Variants in SPAG16 observed in about 807,000 individuals in gnomAD.
The protein encoded by SPAG16 is sperm associated antigen 16, also known as sperm-associated antigen 16 protein.
Under a neutral mutation model 80.4 loss-of-function variants are expected in SPAG16, and 86 were observed. The ratio of observed to expected loss-of-function variants is 1.07; its 90% CI spans 0.90 to 1.28. The LOEUF (loss-of-function observed/expected upper bound fraction) is 1.28. Ranked by LOEUF, SPAG16 falls within the 50% of genes most tolerant of loss-of-function variation. SPAG16 has a pLI of 0.00. For synonymous variants in SPAG16, 294 were observed against 265.9 expected (o/e 1.11, Z -1.03); for missense variants, 870 against 765.3 (o/e 1.14, Z -1.61).
At chr2:214,011,914 C>T (rs2047298759) in intron 12 of SPAG16, among the ~76,000 whole-genome samples, 2 of 152,062 alleles carry the variant, frequency 1.3e-5, no homozygotes, top group South Asian at 4.1e-4. Context: ...TCTTACAGTT[C>T]ATATGTGCTG....
chr2:213,529,595 C>T (rs546389928), intron 10 of SPAG16, among the ~76,000 whole-genome samples: 1 of 152,234 alleles, frequency 6.6e-6, no homozygotes, highest in East Asian at 1.9e-4. Flanking sequence ...ATGATGTAGC[C>T]TACTATGCAC....
intron 10 of SPAG16, among the ~76,000 whole-genome samples, chr2:213,740,346 C>G (rs2067488805): frequency 6.6e-6 from 1 of 152,030 alleles, no homozygotes; most frequent in Non-Finnish European, 1.5e-5. Flanking sequence ...CTGTAACAAA[C>G]TGTAAAGAAA....
intron 12 of SPAG16, among the ~76,000 whole-genome samples, chr2:213,994,206 G>A (rs1379778481): frequency 1.3e-5 from 2 of 152,006 alleles, no homozygotes; most frequent in African/African-American, 4.8e-5. Context: ...TGATTTTATG[G>A]GCAGGAGGAG....
At chr2:213,381,086 C>CACAGTATAAGTG (rs76011056) in intron 9 of SPAG16, among the ~76,000 whole-genome samples, 103,275 of 151,920 alleles carry the variant, frequency 0.68, 35,876 homozygotes, top group East Asian at 1. Flanking sequence ...CTGGGCTTAC[C>CACAGTATAAGTG]GTAAAATAGA....
intron 12 of SPAG16, among the ~76,000 whole-genome samples, chr2:213,937,287 C>G (rs922645796): frequency 1.3e-5 from 2 of 152,014 alleles, no homozygotes; most frequent in Non-Finnish European, 2.9e-5. Flanking sequence ...AGTATTAAGA[C>G]TCAAGGGCAT....
chr2:213,980,712 G>GTATATATATATATA (rs1553686607), intron 12 of SPAG16, among the ~76,000 whole-genome samples: 9 of 113,998 alleles, frequency 7.9e-5, no homozygotes, highest in African/African-American at 3.4e-4. Flanking sequence ...GTGTGTGTGT[G>GTATATATATATATA]TATATATATA....
intron 10 of SPAG16, among the ~76,000 whole-genome samples, chr2:213,543,039 T>C (rs2076504979): frequency 6.6e-6 from 1 of 152,126 alleles, no homozygotes; most frequent in Non-Finnish European, 1.5e-5. Flanking sequence ...AAATGAGTGA[T>C]GGTTCATTGC....
chr2:213,763,555 C>T (rs1159614746), intron 10 of SPAG16, among the ~76,000 whole-genome samples: 1 of 151,968 alleles, frequency 6.6e-6, no homozygotes. Flanking sequence ...TGTAGAGTTT[C>T]AGTTATGCAA....
chr2:213,894,709 G>A (rs910087950), intron 11 of SPAG16, among the ~76,000 whole-genome samples: 9 of 151,994 alleles, frequency 5.9e-5, no homozygotes, highest in African/African-American at 2.2e-4. Flanking sequence ...ACCTAAAGAC[G>A]GCCTGGCGCA....
At chr2:214,079,761 A>G (rs141716602) in intron 13 of SPAG16, among the ~76,000 whole-genome samples, 68 of 152,308 alleles carry the variant, frequency 4.5e-4, no homozygotes, top group African/African-American at 1.6e-3. Flanking sequence ...GTCTCAGAAG[A>G]ATCTGGGAAT....
chr2:214,311,145 T>A (rs1438609259), intron 15 of SPAG16, among the ~76,000 whole-genome samples: 7 of 41,680 alleles, frequency 1.7e-4, no homozygotes, highest in African/African-American at 1.6e-3. Context: ...ATCAGCACTG[T>A]TACCTGCATT....
At chr2:214,301,836 C>A (rs1348579061) in intron 15 of SPAG16, among the ~76,000 whole-genome samples, 2 of 151,560 alleles carry the variant, frequency 1.3e-5, no homozygotes, top group Non-Finnish European at 2.9e-5. Context: ...TTTATTTGTT[C>A]TTGTTTTTTA....
intron 9 of SPAG16, among the ~76,000 whole-genome samples, chr2:213,412,677 A>G (rs2069043509): frequency 6.6e-6 from 1 of 151,934 alleles, no homozygotes; most frequent in Non-Finnish European, 1.5e-5. Context: ...TACCCTCCAG[A>G]ATTTCCCATT....
chr2:213,949,179 T>TTTTTTTTTTTTTTTGTTTTTTTTTTTTG (rs1575623841), intron 12 of SPAG16, among the ~76,000 whole-genome samples: 1 of 36,244 alleles, frequency 2.8e-5, no homozygotes, highest in African/African-American at 8.2e-5. Context: ...GTTTTTTTTT[T>TTTTTTTTTTTTTTTGTTTTTTTTTTTTG]TTTTTTTTTT....
At chr2:213,968,790 C>A (rs983654465) in intron 12 of SPAG16, among the ~76,000 whole-genome samples, 15 of 152,238 alleles carry the variant, frequency 9.9e-5, no homozygotes, top group African/African-American at 3.4e-4. Context: ...TATATATCAC[C>A]TTGATAAAAA....
intron 9 of SPAG16, among the ~76,000 whole-genome samples, chr2:213,468,392 T>C (rs932041961): frequency 2.1e-5 from 3 of 145,576 alleles, no homozygotes; most frequent in Non-Finnish European, 3.0e-5. Context: ...TATAGATATA[T>C]ATATATATAT....
chr2:213,867,629 A>T (rs1439828433), intron 11 of SPAG16, among the ~76,000 whole-genome samples: 1 of 152,140 alleles, frequency 6.6e-6, no homozygotes, highest in Admixed American at 6.5e-5. Flanking sequence ...TGAGAACTTA[A>T]AAAGATAGCT....
At position 213,431,497 on chromosome 2, in the gene SPAG16, TAAA is replaced by T. The variant is rs60221504; in HGVS notation, c.942+56385_942+56387del. Among the ~76,000 whole-genome samples the T allele has an allele frequency of 8.7e-5, 13 of 149,772 alleles. No homozygotes were observed. The South Asian group carries it at 2.8e-3, about 32-fold the overall frequency. ...AACACATACATTAAATCAGAAACTG[TAAA>T]AAAAAAGAAAAAGTCATTATATAAT... On this transcript the variant is annotated intron_variant, in intron 9 of 15. Coordinates refer to ENST00000331683, the MANE Select transcript of SPAG16 (RefSeq NM_024532.5).
chr2:214,014,829 C>A (rs2124968814), intron 13 of SPAG16, among the ~76,000 whole-genome samples: 1 of 152,226 alleles, frequency 6.6e-6, no homozygotes, highest in East Asian at 1.9e-4. Context: ...ACCTTGTCAA[C>A]TGAAGAGTGA....
Sources: allele counts gnomAD v4.1 joint callset (sites outside exome capture counted in the v4.1 genomes callset), GRCh38; gene constraint gnomAD v4.1.1; transcripts MANE v1.5; gene names NCBI Gene and HGNC (gene_info 2026-07-23, HGNC 2026-07-21).